The following HECW1 variants were observed in gnomAD, a reference collection of about 807,000 sequenced individuals.
The protein encoded by HECW1 is E3 ubiquitin-protein ligase HECW1.
Under a neutral mutation model 182.3 loss-of-function variants are expected in HECW1, and 61 were observed. That is an observed-to-expected ratio of 0.33 (90% confidence interval 0.27 to 0.41). The LOEUF is 0.41. Among genes scored for constraint, HECW1 ranks in the 10% least tolerant of loss-of-function variants. The pLI, the probability that HECW1 is intolerant of heterozygous loss-of-function variation, is 1.00. For synonymous variants in HECW1, 859 were observed against 832.6 expected (o/e 1.03, Z -0.55); for missense variants, 1,739 against 2,108.9 (o/e 0.82, Z 3.44).
intron 8 of HECW1, among the ~76,000 whole-genome samples, chr7:43,417,591 G>A (rs989932451): frequency 6.6e-6 from 1 of 152,094 alleles, no homozygotes; most frequent in African/African-American, 2.4e-5. Flanking sequence ...CGCCCAGTGA[G>A]GTGGCACACA....
intron 3 of HECW1, among the ~76,000 whole-genome samples, chr7:43,307,812 T>A (rs527642944): frequency 4.9e-4 from 72 of 147,900 alleles, no homozygotes; most frequent in Non-Finnish European, 8.3e-4. Flanking sequence ...CAAAATAAAA[T>A]AAAAATGGGG....
chr7:43,308,034 T>TTA (rs1209300019), intron 3 of HECW1, among the ~76,000 whole-genome samples: 1 of 113,804 alleles, frequency 8.8e-6, no homozygotes, highest in Non-Finnish European at 1.6e-5. Context: ...ATATTATATA[T>TTA]TATATTGTAT....
At chr7:43,386,755 A>T (rs2074815788) in intron 6 of HECW1, among the ~76,000 whole-genome samples, 1 of 152,140 alleles carries the variant, frequency 6.6e-6, no homozygotes, top group African/African-American at 2.4e-5. Context: ...CAGATGAGGG[A>T]GGAATGTGTC....
chr7:43,356,414 C>T (rs1189080797), intron 5 of HECW1, among the ~76,000 whole-genome samples: 1 of 152,106 alleles, frequency 6.6e-6, no homozygotes, highest in Non-Finnish European at 1.5e-5. Flanking sequence ...GTAAAGCAAA[C>T]ATTAATAGAT....
intron 17 of HECW1, among the ~76,000 whole-genome samples, chr7:43,483,547 CTTT>C (rs549214390): frequency 5.9e-5 from 7 of 119,024 alleles, no homozygotes; most frequent in Admixed American, 9.6e-5. Flanking sequence ...CATGCAAACT[CTTT>C]TTTTTTTTTT....
chr7:43,381,490 T>A (rs1052763392), intron 6 of HECW1, among the ~76,000 whole-genome samples: 3 of 64,952 alleles, frequency 4.6e-5, no homozygotes, highest in African/African-American at 8.8e-5. Flanking sequence ...CATGGCTAAT[T>A]TTTTTTTTTT....
chr7:43,304,587 T>C (rs541210641), intron 3 of HECW1, among the ~76,000 whole-genome samples: 1 of 152,076 alleles, frequency 6.6e-6, no homozygotes, highest in African/African-American at 2.4e-5. Context: ...ACCTCCCTGG[T>C]TCAAGCGATT....
intron 7 of HECW1, among the ~76,000 whole-genome samples, chr7:43,398,135 T>C (rs2075290947): frequency 6.6e-6 from 1 of 152,106 alleles, no homozygotes; most frequent in African/African-American, 2.4e-5. Flanking sequence ...CGGGCTCCTG[T>C]AGTCCCAGCT....
intron 2 of HECW1, among the ~76,000 whole-genome samples, chr7:43,229,965 G>T (rs940236923): frequency 5.3e-5 from 8 of 152,326 alleles, no homozygotes; most frequent in African/African-American, 1.7e-4. Flanking sequence ...AATACCTCCT[G>T]TTACAGGGCA....
intron 2 of HECW1, among the ~76,000 whole-genome samples, chr7:43,238,238 G>A (rs1302865084): frequency 6.6e-6 from 1 of 152,148 alleles, no homozygotes; most frequent in African/African-American, 2.4e-5. Context: ...GCATTGGGAG[G>A]GATGGCACTG....
At position 43,550,536 on chromosome 7, in the gene HECW1, G is replaced by A. The variant is rs2081767771; in HGVS notation, c.4340G>A (p.Arg1447Gln). Residue 1447 changes from arginine to glutamine, a missense_variant, in exon 27 of 30, where the codon CGG becomes CAG. This residue lies in a region of HECW1 where 420 missense variants were observed against 595.7 expected (regional missense o/e 0.71). Coordinates refer to ENST00000395891, the MANE Select transcript of HECW1 (RefSeq NM_015052.5). ...KEYIERMVKW[R>Q]VERGVVQQTE... ...TACATCGAGCGCATGGTGAAGTGGC[G>A]GGTGGAGCGCGGCGTGGTACAGCAG... is the stretch of plus-strand genomic sequence containing the variant. 5.0e-6 allele frequency: 8 copies of A among 1,612,722 alleles called. No homozygotes were observed. The highest frequency in any genetic ancestry group is 5.9e-6 in the Non-Finnish European group (7 of 1,179,406).
intron 26 of HECW1, among the ~76,000 whole-genome samples, chr7:43,545,056 G>A (rs552492375): frequency 7.2e-5 from 11 of 152,300 alleles, no homozygotes; most frequent in Non-Finnish European, 1.6e-4. Context: ...TTGAAGCCAG[G>A]AGTTCAAGAC....
chr7:43,341,099 A>C (rs941418929), intron 5 of HECW1, among the ~76,000 whole-genome samples: 2 of 151,646 alleles, frequency 1.3e-5, no homozygotes, highest in Non-Finnish European at 2.9e-5. Context: ...CATAGGTGGG[A>C]ATTGAACAAT....
intron 2 of HECW1, among the ~76,000 whole-genome samples, chr7:43,178,908 C>T (rs957505456): frequency 2.6e-5 from 4 of 151,944 alleles, no homozygotes; most frequent in African/African-American, 9.7e-5. Flanking sequence ...CAAAAGCAGC[C>T]TTTTCAGAAC....
intron 2 of HECW1, among the ~76,000 whole-genome samples, chr7:43,202,436 T>A (rs1333116987): frequency 6.6e-6 from 1 of 151,792 alleles, no homozygotes; most frequent in African/African-American, 2.4e-5. Flanking sequence ...TATGCATACA[T>A]AATTATTATA....
intron 19 of HECW1, among the ~76,000 whole-genome samples, chr7:43,497,750 G>A (rs1174544101): frequency 1.3e-5 from 2 of 152,134 alleles, no homozygotes; most frequent in African/African-American, 2.4e-5. Flanking sequence ...AACATGGTGG[G>A]TGAGGAGAAG....
At chr7:43,136,466 T>C (rs548986732) in intron 2 of HECW1, among the ~76,000 whole-genome samples, 1 of 152,240 alleles carries the variant, frequency 6.6e-6, no homozygotes, top group East Asian at 1.9e-4. Flanking sequence ...GGGCTGAAAT[T>C]ACAGGGAGGT....
At position 43,432,827 on chromosome 7, in the gene HECW1, A is replaced by G. The variant is rs1207822156; in HGVS notation, c.802-5176A>G. ...TAGTTACCCTGTTTTAATTTCATTA[A>G]GTTCAATTTATAAAAGTTCTGTTTA... On this transcript the variant is annotated intron_variant, in intron 8 of 29. Transcript: ENST00000395891. The surrounding 1 kb of genome is among the most constrained non-coding windows in gnomAD (Gnocchi z 4.1). Among the ~76,000 whole-genome samples the G allele has an allele frequency of 6.6e-6, 1 of 152,236 alleles. No individual in the cohort carries two copies. Among genetic ancestry groups the G allele is most frequent in the Non-Finnish European group, 1.5e-5 (1 of 68,038 alleles).
intron 3 of HECW1, among the ~76,000 whole-genome samples, chr7:43,275,298 T>C (rs1802980601): frequency 6.6e-6 from 1 of 152,290 alleles, no homozygotes; most frequent in South Asian, 2.1e-4. Context: ...CATAACATAA[T>C]GTTACATAAG....
Sources: gnomAD v4.1 joint callset for allele counts (sites outside exome capture counted in the v4.1 genomes callset) on GRCh38, gnomAD v4.1.1 for gene constraint, gnomAD v4.1.1 regional missense constraint, Gnocchi (gnomAD v3.1) non-coding constraint, MANE v1.5 for transcripts, NCBI Gene and HGNC (gene_info 2026-07-23, HGNC 2026-07-21) for gene names.